SEM1: variants seen among roughly 807,000 people sequenced by gnomAD.
The protein encoded by SEM1 is 26S proteasome complex subunit SEM1.
Under a neutral mutation model 12.7 loss-of-function variants are expected in SEM1, and 3 were observed. That is an observed-to-expected ratio of 0.24 (90% confidence interval 0.11 to 0.61). SEM1 has a LOEUF of 0.61. SEM1 is among the 20% of genes least tolerant of loss of function. The pLI, the probability that SEM1 is intolerant of heterozygous loss-of-function variation, is 0.88. For synonymous variants in SEM1, 30 were observed against 27.8 expected (o/e 1.08, Z -0.25); for missense variants, 59 against 81.3 (o/e 0.73, Z 1.06).
chr7:96,579,991 T>A (rs1342720472), intron 2 of SEM1, among the ~76,000 whole-genome samples: 1 of 151,806 alleles, frequency 6.6e-6, no homozygotes, highest in African/African-American at 2.4e-5. Flanking sequence ...TATTATACTT[T>A]AAGTTTTAGG....
intron 2 of SEM1, among the ~76,000 whole-genome samples, chr7:96,530,769 T>C (rs1804615222): frequency 6.6e-6 from 1 of 151,620 alleles, no homozygotes; most frequent in African/African-American, 2.4e-5. Flanking sequence ...TGCCTAGGAG[T>C]GGATTCAAAA....
chr7:96,522,975 T>A (rs1385995529), intron 2 of SEM1, among the ~76,000 whole-genome samples: 1 of 151,850 alleles, frequency 6.6e-6, no homozygotes, highest in Non-Finnish European at 1.5e-5. Flanking sequence ...CATTTTATCA[T>A]GAATCTATCC....
At chr7:96,612,675 G>A (rs533746206) in intron 2 of SEM1, among the ~76,000 whole-genome samples, 113 of 152,102 alleles carry the variant, frequency 7.4e-4, no homozygotes, top group African/African-American at 2.5e-3. Flanking sequence ...TTGCCCAGTC[G>A]CCCAGGCTGG....
chr7:96,687,890 G>C (rs1043995850), downstream of SEM1: 1 of 151,838 alleles, frequency 6.6e-6, no homozygotes, highest in Non-Finnish European at 1.5e-5. Context: ...TAGCAGTTCC[G>C]TTAGGCAGGC....
chr7:96,551,757 G>A (rs191480989), intron 2 of SEM1, among the ~76,000 whole-genome samples: 1 of 151,604 alleles, frequency 6.6e-6, no homozygotes. Flanking sequence ...ACACACAGAG[G>A]TCATGTGAAG....
chr7:96,592,001 G>A (rs557453688), intron 2 of SEM1, among the ~76,000 whole-genome samples: 1 of 152,220 alleles, frequency 6.6e-6, no homozygotes, highest in South Asian at 2.1e-4. Flanking sequence ...ATCAAAACAT[G>A]TTGAGCCTTT....
At chr7:96,635,802 A>T (rs1584822601) in intron 2 of SEM1, among the ~76,000 whole-genome samples, 1 of 152,102 alleles carries the variant, frequency 6.6e-6, no homozygotes, top group Non-Finnish European at 1.5e-5. Flanking sequence ...TAGAAAAAAA[A>T]TTACTTCAAT....
chr7:96,667,055 G>T (rs1280842683), intron 2 of SEM1, among the ~76,000 whole-genome samples: 2 of 152,168 alleles, frequency 1.3e-5, no homozygotes, highest in Non-Finnish European at 2.9e-5. Flanking sequence ...TGGGCTGAAG[G>T]ATGAGACAAA....
intron 2 of SEM1, among the ~76,000 whole-genome samples, chr7:96,662,008 A>G (rs1789018152): frequency 6.7e-6 from 1 of 148,302 alleles, no homozygotes; most frequent in Non-Finnish European, 1.5e-5. Context: ...AAAAAAAAAA[A>G]AAGTCAGCAA....
upstream of SEM1, among the ~76,000 whole-genome samples, chr7:96,497,275 G>C (rs1362717465): frequency 1.3e-5 from 2 of 151,796 alleles, no homozygotes; most frequent in Non-Finnish European, 2.9e-5. Context: ...TTTTCTTTTA[G>C]GGAAAATTTT....
chr7:96,670,780 TG>T (rs1789293688), downstream of SEM1, among the ~76,000 whole-genome samples: 1 of 152,244 alleles, frequency 6.6e-6, no homozygotes, highest in Non-Finnish European at 1.5e-5. Flanking sequence ...TCTGCAAGGA[TG>T]CCATCATGCT....
chr7:96,629,234 C>T (rs556312860), intron 2 of SEM1, among the ~76,000 whole-genome samples: 9 of 152,148 alleles, frequency 5.9e-5, no homozygotes, highest in Admixed American at 1.3e-4. Context: ...ACTTTCTACC[C>T]GTCTTTTTCT....
At chr7:96,631,925 T>C (rs1305152883) in intron 2 of SEM1, among the ~76,000 whole-genome samples, 1 of 152,172 alleles carries the variant, frequency 6.6e-6, no homozygotes, top group South Asian at 2.1e-4. Context: ...AAAGAAGACA[T>C]TTATACAGCC....
At chr7:96,650,417 G>A (rs758217618) in intron 2 of SEM1, 2 of 702,888 alleles carry the variant, frequency 2.8e-6, no homozygotes, top group Admixed American at 2.1e-5. Flanking sequence ...CCAGGCAGTA[G>A]ATGGGCACCT....
intron 3 of SEM1, among the ~76,000 whole-genome samples, chr7:96,505,327 T>C (rs1284426938): frequency 1.3e-5 from 2 of 151,914 alleles, no homozygotes; most frequent in Non-Finnish European, 2.9e-5. Context: ...TAATCTTGAA[T>C]TCCTGACCTC....
intron 2 of SEM1, among the ~76,000 whole-genome samples, chr7:96,601,916 A>G (rs1003703073): frequency 6.6e-6 from 1 of 152,174 alleles, no homozygotes; most frequent in Non-Finnish European, 1.5e-5. Context: ...AAACACAAAA[A>G]GGTCTATTAC....
chr7:96,552,987 T>A (rs1257098400), intron 2 of SEM1, among the ~76,000 whole-genome samples: 13 of 151,966 alleles, frequency 8.6e-5, no homozygotes, highest in African/African-American at 2.7e-4. Context: ...GCTGCATAAA[T>A]GTCTTCTTTT....
chr7:96,691,868 A>G (rs1007290753), intron 2 of SEM1, among the ~76,000 whole-genome samples: 3 of 152,238 alleles, frequency 2.0e-5, no homozygotes, highest in African/African-American at 7.2e-5. Context: ...TTCCATCACT[A>G]CAGCAAGTTC....
intron 2 of SEM1, among the ~76,000 whole-genome samples, chr7:96,513,359 G>A (rs1046745542): frequency 6.6e-6 from 1 of 152,016 alleles, no homozygotes; most frequent in African/African-American, 2.4e-5. Flanking sequence ...CCAGTTTGTG[G>A]TACTTTCTTA....
Sources: gnomAD v4.1 joint callset for allele counts (sites outside exome capture counted in the v4.1 genomes callset) on GRCh38, gnomAD v4.1.1 for gene constraint, MANE v1.5 for transcripts, NCBI Gene and HGNC (gene_info 2026-07-23, HGNC 2026-07-21) for gene names.